Variants in MYT1L observed in about 807,000 individuals in gnomAD.
The protein encoded by MYT1L is myelin transcription factor 1-like protein.
A neutral mutation model predicts 126.7 loss-of-function variants in MYT1L; 12 were observed. The observed-to-expected ratio is 0.09, with a 90% confidence interval of 0.06 to 0.15. The LOEUF is 0.15. Ranked by LOEUF, MYT1L falls within the 10% of genes least tolerant of loss-of-function variation. The pLI, the probability that MYT1L is intolerant of heterozygous loss-of-function variation, is 1.00. For missense variants in MYT1L, 979 were observed against 1,585.2 expected (o/e 0.62, Z 6.49); for synonymous variants, 541 against 604.2 (o/e 0.90, Z 1.53).
chr2:2,172,580 G>A (rs1325257588), intron 3 of MYT1L, among the ~76,000 whole-genome samples: 2 of 152,260 alleles, frequency 1.3e-5, no homozygotes, highest in Non-Finnish European at 2.9e-5. Context: ...AAGCACCAGA[G>A]GAGGGGCTGC....
chr2:1,910,641 A>G lies in MYT1L; in HGVS notation c.1710-294T>C, dbSNP rs1162886702. 6.6e-6 allele frequency among the ~76,000 whole-genome samples: 1 copy of G among 152,194 alleles called. No individual in the cohort carries two copies. The highest frequency in any genetic ancestry group is 2.4e-5 in the African/African-American group (1 of 41,450). On this transcript the variant is annotated intron_variant, in intron 12 of 24. Transcript: ENST00000647738. The surrounding 1 kb of genome is among the most constrained non-coding windows in gnomAD (Gnocchi z 4.8). ...CCAGCTCCCATGCATTCGGGAGGACATAGCTGGTGAAAACTGTAGACAGAT... is the reference window on the plus strand; with the variant it reads ...CCAGCTCCCATGCATTCGGGAGGACGTAGCTGGTGAAAACTGTAGACAGAT...
chr2:2,143,810 A>C lies in MYT1L; in HGVS notation c.-304+29062T>G, dbSNP rs565438189. On this transcript the variant is annotated intron_variant, in intron 3 of 24. Transcript: ENST00000647738. ...AAAAGAACGAAATCGTGTCCTTTGC[A>C]GCAACATGGATGCAGCTGGAGGCCA... Among the ~76,000 whole-genome samples, 5 of 152,302 alleles carry C rather than the reference A, an allele frequency of 3.3e-5. No individual in the cohort carries two copies. The South Asian group carries it at 1.0e-3, about 32-fold the overall frequency.
chr2:2,189,684 C>T (rs2092449278), intron 2 of MYT1L, among the ~76,000 whole-genome samples: 1 of 152,186 alleles, frequency 6.6e-6, no homozygotes, highest in African/African-American at 2.4e-5. Flanking sequence ...TCTGCGAGGG[C>T]TTCAGACTAT....
In MYT1L at chr2:1,868,389, C is replaced by A. The variant is rs1558216757; in HGVS notation, c.2712-16686G>T. Among the ~76,000 whole-genome samples, 37 of 152,132 alleles carry A rather than the reference C, an allele frequency of 2.4e-4. 1 individual carries two copies. On this transcript the variant is annotated intron_variant, in intron 18 of 24. Coordinates refer to ENST00000647738, the MANE Select transcript of MYT1L (RefSeq NM_001303052.2). ...CAAAGAATCTCCTTTTAAAAATGAT[C>A]TGTTGTTATGTAAGCTATAAAGAAA...
intron 1 of MYT1L, chr2:2,326,567 C>CG (rs1476424194): frequency 3.5e-5 from 5 of 142,250 alleles, no homozygotes; most frequent in African/African-American, 1.3e-4. Context: ...TTCCCCCCCG[C>CG]CAACTTTTCC....
rs1224438280 is a variant in MYT1L at position 2,205,540 on chromosome 2, A to G, written c.-420-32552T>C. Reference sequence around the variant, plus strand: ...GTAGTCAGGGGAACATCCAAACTCAATCATACTCATTCCTAGATTCCCATG... The same window carrying G: ...GTAGTCAGGGGAACATCCAAACTCAGTCATACTCATTCCTAGATTCCCATG... On this transcript the variant is annotated intron_variant, in intron 2 of 24. Transcript: ENST00000647738. Among the ~76,000 whole-genome samples the G allele has an allele frequency of 2.6e-5, 4 of 152,206 alleles. No homozygotes were observed. The East Asian group carries it at 7.7e-4, about 29-fold the overall frequency.
intron 2 of MYT1L, among the ~76,000 whole-genome samples, chr2:2,176,049 G>A (rs79123361): frequency 0.1 from 15,397 of 152,172 alleles, 752 homozygotes; most frequent in East Asian, 0.13. Flanking sequence ...AGCTCACTGC[G>A]TTGCTCACAG....
intron 22 of MYT1L, among the ~76,000 whole-genome samples, chr2:1,803,033 G>A (rs1251007251): frequency 6.6e-6 from 1 of 152,166 alleles, no homozygotes; most frequent in Non-Finnish European, 1.5e-5. Flanking sequence ...CAAAAACCCT[G>A]CTGACATCAG....
chr2:2,130,724 G>A (rs1263398289), intron 3 of MYT1L, among the ~76,000 whole-genome samples: 1 of 152,200 alleles, frequency 6.6e-6, no homozygotes, highest in East Asian at 1.9e-4. Context: ...GGAAGGAAAT[G>A]CTTTGTGTCA....
At chr2:2,038,798 G>A (rs1391363060) in intron 4 of MYT1L, among the ~76,000 whole-genome samples, 1 of 151,966 alleles carries the variant, frequency 6.6e-6, no homozygotes, top group African/African-American at 2.4e-5. Context: ...TTCCCTGCTG[G>A]ACATCAGCCA....
At chr2:2,315,395 T>G (rs2149643213) in intron 1 of MYT1L, among the ~76,000 whole-genome samples, 1 of 152,274 alleles carries the variant, frequency 6.6e-6, no homozygotes, top group Non-Finnish European at 1.5e-5. Context: ...AGCTTTGTAT[T>G]GGGGGTTTGG....
intron 4 of MYT1L, among the ~76,000 whole-genome samples, chr2:2,005,912 CTTCTTTCCTGCATGCG>C (rs1450015333): frequency 7.3e-4 from 106 of 144,244 alleles, no homozygotes; most frequent in African/African-American, 2.5e-3. Flanking sequence ...TCCTGCGTGC[CTTCTTTCCTGCATGCG>C]TTCTTTCCTG....
Position 1,806,312 on chromosome 2 carries a change from C to T in MYT1L, c.3172+2764G>A, listed in dbSNP as rs1405235161. On this transcript the variant is annotated intron_variant, in intron 22 of 24. Coordinates refer to ENST00000647738, the MANE Select transcript of MYT1L (RefSeq NM_001303052.2). The surrounding 1 kb of genome is among the most constrained non-coding windows in gnomAD (Gnocchi z 4.9). ...GCAGCTCCTCTTTTTTACCCATGGA[C>T]GTGCGTGCATTAGGATCTGCAGCAA... Among the ~76,000 whole-genome samples the T allele has an allele frequency of 1.3e-5, 2 of 152,212 alleles. No homozygotes were observed. The highest frequency in any genetic ancestry group is 2.4e-5 in the African/African-American group (1 of 41,446).
intron 2 of MYT1L, among the ~76,000 whole-genome samples, chr2:2,282,281 A>T (rs1464206888): frequency 6.6e-6 from 1 of 152,256 alleles, no homozygotes; most frequent in Non-Finnish European, 1.5e-5. Context: ...TGAACAAAAG[A>T]ACAGAAGTGT....
At chr2:1,824,207 T>A (rs956614032) in intron 21 of MYT1L, among the ~76,000 whole-genome samples, 3 of 152,218 alleles carry the variant, frequency 2.0e-5, no homozygotes, top group Non-Finnish European at 4.4e-5. Flanking sequence ...GGAGCCTGCA[T>A]TAAGCATTTT....
chr2:2,004,450 CGTTCTTTCCTGAATAT>C (rs2062908959), intron 4 of MYT1L, among the ~76,000 whole-genome samples: 3 of 144,750 alleles, frequency 2.1e-5, no homozygotes, highest in African/African-American at 5.4e-5. Context: ...TTCCTGCAGG[CGTTCTTTCCTGAATAT>C]GTTCTTTCCT....
intron 3 of MYT1L, among the ~76,000 whole-genome samples, chr2:2,074,092 A>T (rs17338554): frequency 0.094 from 14,391 of 152,332 alleles, 887 homozygotes; most frequent in Middle Eastern, 0.19. Context: ...GAAAATGTTA[A>T]GAGAAACATA....
At chr2:2,111,042 T>C (rs1271007094) in intron 3 of MYT1L, among the ~76,000 whole-genome samples, 1 of 152,160 alleles carries the variant, frequency 6.6e-6, no homozygotes, top group Admixed American at 6.5e-5. Flanking sequence ...GCCATTTCCC[T>C]TGGCCAGGAG....
intron 2 of MYT1L, among the ~76,000 whole-genome samples, chr2:2,281,122 C>T (rs2095441113): frequency 6.6e-6 from 1 of 152,178 alleles, no homozygotes; most frequent in African/African-American, 2.4e-5. Flanking sequence ...TTACCCCACA[C>T]CGTTCTCATG....
Sources: allele counts gnomAD v4.1 joint callset (sites outside exome capture counted in the v4.1 genomes callset), GRCh38; gene constraint gnomAD v4.1.1; non-coding constraint Gnocchi (gnomAD v3.1); transcripts MANE v1.5; gene names NCBI Gene and HGNC (gene_info 2026-07-23, HGNC 2026-07-21).